Variants in TMPRSS6 observed in about 807,000 individuals in gnomAD.
TMPRSS6 encodes transmembrane serine protease 6, also known as transmembrane protease serine 6.
TMPRSS6 carries 67 observed loss-of-function variants against 101.5 expected under a neutral mutation model. The ratio of observed to expected loss-of-function variants is 0.66; its 90% CI spans 0.54 to 0.81. TMPRSS6 has a LOEUF of 0.81. TMPRSS6 is among the 30% of genes least tolerant of loss of function. TMPRSS6 has a pLI of 0.00. For missense variants in TMPRSS6, 1,034 were observed against 1,088.7 expected (o/e 0.95, Z 0.71); for synonymous variants, 453 against 464.9 (o/e 0.97, Z 0.33).
At chr22:37,074,738 G>C in intron 11 of TMPRSS6, 30 bp from the exon 12 acceptor site, 1 of 1,610,720 alleles carries the variant, frequency 6.2e-7, no homozygotes, top group Non-Finnish European at 8.5e-7. Flanking sequence ...CGTGGAGGCA[G>C]GCAGGGCGCC....
In TMPRSS6 at chr22:37,103,275, A is replaced by G; in HGVS notation, c.143T>C (p.Phe48Ser). The change falls in exon 2 of 18, where the codon TTT becomes TCT. Residue 48 changes from phenylalanine (F) to serine (S), a missense_variant. Phe to Ser is a radical substitution (Grantham distance 155, BLOSUM62 -2). Transcript: ENST00000676104. This position sits in a 1 kb window ranked among gnomAD's most constrained non-coding sequence, Gnocchi z 4.4. ...CAGCACGAGCAGGGCCAGCAGCACAAACAGGGGCACCAGGCGGAGGTAGCC... is the reference window on the plus strand; with the variant it reads ...CAGCACGAGCAGGGCCAGCAGCACAGACAGGGGCACCAGGCGGAGGTAGCC... ...ARGYLRLVPLFVLLALLVLAS... is the reference protein window; with the variant it reads ...ARGYLRLVPLSVLLALLVLAS... The G allele has an allele frequency of 1.2e-6, 2 of 1,614,104 alleles. No homozygotes were observed. Among genetic ancestry groups the G allele is most frequent in the Admixed American group, 1.7e-5 (1 of 60,022 alleles).
chr22:37,074,476 A>C, intron 12 of TMPRSS6, 134 bp downstream of exon 12: 1 of 854,490 alleles, frequency 1.2e-6, no homozygotes, highest in Non-Finnish European at 1.9e-6. Context: ...GCACAGTGAG[A>C]GAACCCCACT....
In TMPRSS6 at chr22:37,073,618, T is replaced by C. The variant is rs761143302; in HGVS notation, c.1469A>G (p.Glu490Gly). The change falls in exon 13 of 18, where the codon GAG becomes GGG. Residue 490 changes from glutamate to glycine, a missense_variant. Glu to Gly is a moderately conservative substitution (Grantham distance 98, BLOSUM62 -2). Transcript: ENST00000676104. ...CVCRATFQCK[E>G]DSTCISLPKV... ...GGGCAGTGAGATGCATGTGCTGTCC[T>C]CTTTGCACTGGAATGTGGCTCTGCA... 6.2e-7 allele frequency: 1 copy of C among 1,614,054 alleles called. No homozygotes were observed. Among genetic ancestry groups the C allele is most frequent in the Admixed American group, 1.7e-5 (1 of 60,026 alleles).
intron 7 of TMPRSS6, among the ~76,000 whole-genome samples, chr22:37,086,645 TGA>T (rs2146113825): frequency 6.6e-6 from 1 of 152,116 alleles, no homozygotes; most frequent in Non-Finnish European, 1.5e-5. Flanking sequence ...GCTCCTCGGG[TGA>T]GAGAGGCCAG....
At chr22:37,074,183 C>A (rs1927402570) in intron 12 of TMPRSS6, among the ~76,000 whole-genome samples, 1 of 152,234 alleles carries the variant, frequency 6.6e-6, no homozygotes, top group Non-Finnish European at 1.5e-5. Flanking sequence ...TGTTCAGTTT[C>A]TGAATATGAG....
At chr22:37,084,640 G>A in intron 9 of TMPRSS6, 87 bp downstream of exon 9, 1 of 1,197,782 alleles carries the variant, frequency 8.3e-7, no homozygotes, top group Non-Finnish European at 1.2e-6. Flanking sequence ...GCAGAGGCGG[G>A]ACACTGCCCC....
chr22:37,084,229 A>G lies in TMPRSS6; in HGVS notation c.1196+66T>C, dbSNP rs2543519. 0.24 allele frequency: 323,606 copies of G among 1,329,838 alleles called. 39,883 individuals carry two copies. Among genetic ancestry groups the G allele is most frequent in the African/African-American group, 0.36 (24,503 of 67,714 alleles). 82.4% of individuals were successfully genotyped at this position (1,329,838 alleles called of 1,614,324 possible). On this transcript the variant is annotated intron_variant, in intron 10 of 17. Transcript: ENST00000676104. ...TTGGGCTTCCAATGAGGGGGTCACT[A>G]TTGAGGAGGGAAGAGAGGGAGGGGG...
intron 14 of TMPRSS6, 114 bp from the exon 15 acceptor site, chr22:37,070,766 AG>A (rs2146037242): frequency 7.5e-7 from 1 of 1,335,442 alleles, no homozygotes; most frequent in Non-Finnish European, 1.1e-6. Context: ...AGAATGATGG[AG>A]GGGGAGAGAC....
intron 2 of TMPRSS6, among the ~76,000 whole-genome samples, chr22:37,099,805 G>A (rs952731184): frequency 2.6e-5 from 4 of 152,148 alleles, no homozygotes; most frequent in Non-Finnish European, 5.9e-5. Flanking sequence ...AAGGCCTGGT[G>A]TGTTTCAGGA....
At chr22:37,084,658 C>G (rs573384671) in intron 9 of TMPRSS6, 69 bp downstream of exon 9, 3 of 1,356,354 alleles carry the variant, frequency 2.2e-6, no homozygotes, top group Admixed American at 2.0e-5. Flanking sequence ...CCCCTCTCAT[C>G]CCGGGTCACC....
intron 6 of TMPRSS6, among the ~76,000 whole-genome samples, chr22:37,090,192 C>T (rs577477232): frequency 2.0e-5 from 3 of 152,298 alleles, no homozygotes; most frequent in African/African-American, 4.8e-5. Flanking sequence ...TGGGGCGAGC[C>T]GGGCAGCTTT....
At chr22:37,094,315 T>C (rs1247218662) in intron 6 of TMPRSS6, among the ~76,000 whole-genome samples, 2 of 152,146 alleles carry the variant, frequency 1.3e-5, no homozygotes, top group African/African-American at 4.8e-5. Context: ...TGGTAGGACC[T>C]TAACCAGGTT....
At chr22:37,089,116 A>G (rs1214533264) in intron 7 of TMPRSS6, among the ~76,000 whole-genome samples, 3 of 152,218 alleles carry the variant, frequency 2.0e-5, no homozygotes. Context: ...CGTTTGGTCT[A>G]GGCACGAGGG....
chr22:37,105,552 C>T (rs922909835), intron 1 of TMPRSS6, among the ~76,000 whole-genome samples: 3 of 152,202 alleles, frequency 2.0e-5, no homozygotes, highest in African/African-American at 7.2e-5. Flanking sequence ...AGGTGGCTGT[C>T]CTCAAAATCT....
chr22:37,089,783 C>G lies in TMPRSS6; in HGVS notation c.632-1G>C. 6.2e-7 allele frequency: 1 copy of G among 1,611,350 alleles called. No individual in the cohort carries two copies. On this transcript the variant is annotated splice_acceptor_variant, in intron 6 of 17. Transcript: ENST00000676104. LOFTEE classifies it high-confidence loss of function. ...CCCACGTAGCTGTAGCGGTAACAACCTGGAGCGGGGAGAGGGGCACAGCCC... is the reference window on the plus strand; with the variant it reads ...CCCACGTAGCTGTAGCGGTAACAACGTGGAGCGGGGAGAGGGGCACAGCCC...
chr22:37,094,239 G>A (rs968995902), intron 6 of TMPRSS6, among the ~76,000 whole-genome samples: 5 of 152,128 alleles, frequency 3.3e-5, no homozygotes, highest in African/African-American at 4.8e-5. Context: ...TCAGAAGACT[G>A]TAATAAGCTG....
chr22:37,072,110 G>C (rs996873911), intron 13 of TMPRSS6, among the ~76,000 whole-genome samples: 4 of 150,034 alleles, frequency 2.7e-5, no homozygotes, highest in Non-Finnish European at 5.9e-5. Flanking sequence ...ATGATGGATG[G>C]ACGGATGATG....
chr22:37,098,312 G>A, intron 3 of TMPRSS6, 104 bp downstream of exon 3: 2 of 1,555,056 alleles, frequency 1.3e-6, no homozygotes, highest in Non-Finnish European at 1.8e-6. Flanking sequence ...TGGTCCCTGT[G>A]AATGCTCCAG....
chr22:37,072,788 C>CGGATGGATGATGGATGGAT (rs1927215721), intron 13 of TMPRSS6, among the ~76,000 whole-genome samples: 1 of 50,464 alleles, frequency 2.0e-5, no homozygotes, highest in Non-Finnish European at 4.0e-5. Flanking sequence ...GGATGATGGA[C>CGGATGGATGATGGATGGAT]GGATGGATGA....
Sources: allele counts gnomAD v4.1 joint callset (sites outside exome capture counted in the v4.1 genomes callset), GRCh38; gene constraint gnomAD v4.1.1; non-coding constraint Gnocchi (gnomAD v3.1); transcripts MANE v1.5; gene names NCBI Gene and HGNC (gene_info 2026-07-23, HGNC 2026-07-21).